CACNA1D: variants seen among roughly 807,000 people sequenced by gnomAD.
CACNA1D encodes the protein voltage-dependent L-type calcium channel subunit alpha-1D.
CACNA1D carries 55 observed loss-of-function variants against 257.1 expected under a neutral mutation model. That is an observed-to-expected ratio of 0.21 (90% CI 0.17 to 0.27). The LOEUF is 0.27. CACNA1D is among the 10% of genes least tolerant of loss of function. The probability of loss-of-function intolerance (pLI) is 1.00; values close to 1 mark genes in which losing one functional copy is unlikely to be tolerated. For synonymous variants in CACNA1D, 980 were observed against 1,014.9 expected (o/e 0.97, Z 0.65); for missense variants, 1,876 against 2,784.0 (o/e 0.67, Z 7.34).
In CACNA1D at chr3:53,776,750, A is replaced by T. The variant is rs776643453; in HGVS notation, c.4490+20A>T. 1 of 1,614,126 alleles carries T rather than the reference A, an allele frequency of 6.2e-7. No individual in the cohort carries two copies. The highest frequency in any genetic ancestry group is 8.5e-7 in the Non-Finnish European group (1 of 1,180,014). On this transcript the variant is annotated intron_variant, in intron 36 of 47. Transcript: ENST00000350061. ...GGCAAAGTAGGTTGAAAAATATTTGATTTGGCGTGTGTGGGTGGATTTTGG... is the reference window on the plus strand; with the variant it reads ...GGCAAAGTAGGTTGAAAAATATTTGTTTTGGCGTGTGTGGGTGGATTTTGG...
chr3:53,796,781 G>C (rs983624562), intron 40 of CACNA1D, among the ~76,000 whole-genome samples: 2 of 152,096 alleles, frequency 1.3e-5, no homozygotes, highest in South Asian at 4.1e-4. Context: ...ATAACATCTA[G>C]CATTTTAAAA....
intron 15 of CACNA1D, 40 bp downstream of exon 15, chr3:53,727,039 T>C: frequency 6.2e-7 from 1 of 1,613,244 alleles, no homozygotes; most frequent in Non-Finnish European, 8.5e-7. Context: ...TTGCCGTCGT[T>C]ATCTGGTTTT....
chr3:53,581,458 G>A (rs2093131681), intron 3 of CACNA1D, among the ~76,000 whole-genome samples: 1 of 152,010 alleles, frequency 6.6e-6, no homozygotes, highest in Non-Finnish European at 1.5e-5. Flanking sequence ...ACAAAGACAC[G>A]GTATTACTTC....
intron 29 of CACNA1D, among the ~76,000 whole-genome samples, chr3:53,754,514 T>A (rs1027931584): frequency 6.6e-6 from 1 of 152,200 alleles, no homozygotes; most frequent in African/African-American, 2.4e-5. Context: ...AGTAAAGAGT[T>A]CCCATATACG....
rs1222880386 is a variant in CACNA1D at position 53,618,187 on chromosome 3, T to G, written c.484-32592T>G. ...TAGCAGCTGCACAGTACCCAGTGTG[T>G]GTCTTTACCTCAGTTGTGCTTTTGG... On this transcript the variant is annotated intron_variant, in intron 3 of 47. Transcript: ENST00000350061. 5.9e-5 allele frequency among the ~76,000 whole-genome samples: 9 copies of G among 152,152 alleles called. No individual in the cohort carries two copies. In the East Asian group the frequency reaches 1.7e-3, roughly 29 times the overall value.
chr3:53,527,029 CA>C (rs1482879624), intron 3 of CACNA1D, among the ~76,000 whole-genome samples: 9 of 152,238 alleles, frequency 5.9e-5, no homozygotes, highest in Admixed American at 2.6e-4. Flanking sequence ...AGAAAGCTCT[CA>C]AACATTATAG....
At chr3:53,638,269 G>A (rs1406674796) in intron 3 of CACNA1D, among the ~76,000 whole-genome samples, 2 of 152,218 alleles carry the variant, frequency 1.3e-5, no homozygotes, top group African/African-American at 4.8e-5. Context: ...CCAGGAAGGT[G>A]TAAGAGCAGC....
chr3:53,796,664 A>G (rs1403287490), intron 40 of CACNA1D, among the ~76,000 whole-genome samples: 4 of 152,192 alleles, frequency 2.6e-5, no homozygotes, highest in African/African-American at 9.7e-5. Context: ...TTGGTAACTT[A>G]ATCATTCAAT....
At chr3:53,632,743 C>T (rs1197819581) in intron 3 of CACNA1D, among the ~76,000 whole-genome samples, 2 of 152,068 alleles carry the variant, frequency 1.3e-5, no homozygotes, top group Non-Finnish European at 2.9e-5. Context: ...TATGGAAGCC[C>T]AAGGACAGAG....
chr3:53,649,484 G>C (rs1421530362), intron 3 of CACNA1D, among the ~76,000 whole-genome samples: 1 of 152,106 alleles, frequency 6.6e-6, no homozygotes, highest in Non-Finnish European at 1.5e-5. Context: ...TGTGACTCTT[G>C]AGAAATTCTC....
intron 3 of CACNA1D, among the ~76,000 whole-genome samples, chr3:53,510,794 TAGCATCTGG>T (rs1245936459): frequency 6.6e-6 from 1 of 152,156 alleles, no homozygotes; most frequent in East Asian, 1.9e-4. Context: ...GGGATGTTAG[TAGCATCTGG>T]AGCATCTGGT....
rs950089360 is a variant in CACNA1D at position 53,522,697 on chromosome 3, T to G, written c.483+20977T>G. On this transcript the variant is annotated intron_variant, in intron 3 of 47. Transcript: ENST00000350061. The stretch of plus-strand genomic sequence containing the variant: ...CATATGTATGGGGTACATGTGCTAT[T>G]TTGATACATGCCTGTAAGGTGTAAT... Among the ~76,000 whole-genome samples the G allele has an allele frequency of 4.6e-5, 7 of 152,254 alleles. 1 individual carries two copies. The highest frequency in any genetic ancestry group is 3.9e-4 in the Admixed American group (6 of 15,290).
chr3:53,609,784 GT>G (rs1418640683), intron 3 of CACNA1D, among the ~76,000 whole-genome samples: 1 of 152,042 alleles, frequency 6.6e-6, no homozygotes, highest in African/African-American at 2.4e-5. Flanking sequence ...GCTTGCCGTT[GT>G]TTTTTCCTTC....
At chr3:53,719,541 T>A (rs2094859161) in intron 10 of CACNA1D, among the ~76,000 whole-genome samples, 1 of 152,196 alleles carries the variant, frequency 6.6e-6, no homozygotes, top group African/African-American at 2.4e-5. Context: ...GAGTCTTCCC[T>A]GACCTGGGCC....
intron 6 of CACNA1D, 134 bp from the exon 7 acceptor site, chr3:53,666,205 C>A: frequency 1.2e-6 from 1 of 832,472 alleles, no homozygotes; most frequent in Non-Finnish European, 2.1e-6. Flanking sequence ...CCTTGAAGGA[C>A]AAGCAGGATC....
intron 45 of CACNA1D, among the ~76,000 whole-genome samples, chr3:53,805,472 G>C (rs2095557696): frequency 1.3e-5 from 2 of 152,158 alleles, no homozygotes; most frequent in African/African-American, 4.8e-5. Flanking sequence ...ATCCTGAGAG[G>C]GAGGCAAACC....
intron 45 of CACNA1D, among the ~76,000 whole-genome samples, chr3:53,805,534 C>G (rs1375393642): frequency 6.6e-6 from 1 of 152,200 alleles, no homozygotes; most frequent in African/African-American, 2.4e-5. Context: ...GATGGGGTGA[C>G]TGAGCCCCCA....
At chr3:53,681,318 G>A (rs1451457828) in intron 8 of CACNA1D, among the ~76,000 whole-genome samples, 2 of 152,176 alleles carry the variant, frequency 1.3e-5, no homozygotes, top group Non-Finnish European at 2.9e-5. Context: ...AGGGCTTTCC[G>A]GATGACATTG....
At chr3:53,587,586 GCTGGAGGTGCAAAT>G (rs1170254680) in intron 3 of CACNA1D, among the ~76,000 whole-genome samples, 2 of 152,168 alleles carry the variant, frequency 1.3e-5, no homozygotes, top group Non-Finnish European at 2.9e-5. Context: ...AGAGAAGTGG[GCTGGAGGTGCAAAT>G]TCCAGATTCA....
Sources: gnomAD v4.1 joint callset for allele counts (sites outside exome capture counted in the v4.1 genomes callset) on GRCh38, gnomAD v4.1.1 for gene constraint, MANE v1.5 for transcripts, NCBI Gene and HGNC (gene_info 2026-07-23, HGNC 2026-07-21) for gene names.